The following DCC variants were observed in gnomAD, a reference collection of about 807,000 sequenced individuals.
The protein encoded by DCC is netrin receptor DCC.
DCC carries 58 observed loss-of-function variants against 172.5 expected under a neutral mutation model. The ratio of observed to expected loss-of-function variants is 0.34; its 90% CI spans 0.27 to 0.42. The LOEUF is 0.42. Among genes scored for constraint, DCC ranks in the 10% least tolerant of loss-of-function variants. The pLI is 1.00. For synonymous variants in DCC, 709 were observed against 644.5 expected (o/e 1.10, Z -1.52); for missense variants, 1,740 against 1,791.0 (o/e 0.97, Z 0.51).
chr18:53,443,830 C>T (rs941444077), intron 22 of DCC, among the ~76,000 whole-genome samples: 12 of 152,176 alleles, frequency 7.9e-5, no homozygotes, highest in African/African-American at 1.7e-4. Context: ...GAGAGGCTCA[C>T]GACTTCAGTG....
At chr18:52,602,538 C>T (rs1219405092) in intron 1 of DCC, among the ~76,000 whole-genome samples, 3 of 151,910 alleles carry the variant, frequency 2.0e-5, no homozygotes, top group African/African-American at 4.8e-5. Context: ...AAAAATAACT[C>T]ATAAGTTTAA....
At chr18:52,436,828 A>G (rs892403635) in intron 1 of DCC, among the ~76,000 whole-genome samples, 1 of 152,158 alleles carries the variant, frequency 6.6e-6, no homozygotes, top group Non-Finnish European at 1.5e-5. Context: ...GCTGAGGCAC[A>G]AGAATCACTT....
At chr18:53,213,565 G>A (rs2055791228) in intron 11 of DCC, among the ~76,000 whole-genome samples, 2 of 145,184 alleles carry the variant, frequency 1.4e-5, no homozygotes, top group African/African-American at 5.2e-5. Flanking sequence ...GGAGAATGGT[G>A]TGAACCCGGG....
chr18:53,498,975 A>G (rs1056770609), intron 26 of DCC, among the ~76,000 whole-genome samples: 4 of 152,200 alleles, frequency 2.6e-5, no homozygotes, highest in African/African-American at 4.8e-5. Flanking sequence ...GAAAGGAGAA[A>G]TAACTCTTTT....
At chr18:53,379,212 A>G (rs866933855) in intron 15 of DCC, among the ~76,000 whole-genome samples, 1 of 152,206 alleles carries the variant, frequency 6.6e-6, no homozygotes. Context: ...AGCAGCTACC[A>G]CTCTAATTTT....
chr18:52,739,607 T>A (rs1249358192), intron 1 of DCC, among the ~76,000 whole-genome samples: 1 of 152,164 alleles, frequency 6.6e-6, no homozygotes, highest in East Asian at 1.9e-4. Flanking sequence ...TGCACAGGCC[T>A]GTGTCTACCG....
chr18:53,271,709 T>G (rs944448543), intron 12 of DCC, among the ~76,000 whole-genome samples: 2 of 152,090 alleles, frequency 1.3e-5, no homozygotes, highest in Admixed American at 1.3e-4. Context: ...CACCACTTTT[T>G]CTGTATTTTG....
chr18:52,802,441 C>A (rs998042025), intron 2 of DCC, among the ~76,000 whole-genome samples: 3 of 149,710 alleles, frequency 2.0e-5, no homozygotes, highest in Middle Eastern at 3.4e-3. Flanking sequence ...CCAACCCCCA[C>A]ACAATCAAAA....
intron 15 of DCC, among the ~76,000 whole-genome samples, chr18:53,367,558 A>G (rs968867027): frequency 1.3e-5 from 2 of 152,186 alleles, no homozygotes; most frequent in African/African-American, 4.8e-5. Flanking sequence ...ATTTTAAAGT[A>G]TACAACTCAA....
At chr18:53,054,948 A>G (rs138243555) in intron 5 of DCC, among the ~76,000 whole-genome samples, 2,738 of 152,240 alleles carry the variant, frequency 0.018, 37 homozygotes, top group Middle Eastern at 0.031. Flanking sequence ...CTAATATTCT[A>G]TAGGTGCAAT....
intron 5 of DCC, among the ~76,000 whole-genome samples, chr18:52,960,954 G>A (rs2040832620): frequency 6.6e-6 from 1 of 152,128 alleles, no homozygotes; most frequent in African/African-American, 2.4e-5. Context: ...GCTCTTTAGA[G>A]AGCCGTACAA....
At chr18:53,193,521 A>C (rs1187872619) in intron 9 of DCC, among the ~76,000 whole-genome samples, 1 of 152,132 alleles carries the variant, frequency 6.6e-6, no homozygotes, top group Admixed American at 6.5e-5. Context: ...ACACAAAGAC[A>C]TTAAATAGCT....
At chr18:52,673,684 A>G (rs940444909) in intron 1 of DCC, among the ~76,000 whole-genome samples, 1 of 152,222 alleles carries the variant, frequency 6.6e-6, no homozygotes, top group Non-Finnish European at 1.5e-5. Context: ...ATGGACCTTG[A>G]TGGTGTAAAG....
At chr18:52,618,007 G>A (rs1598961274) in intron 1 of DCC, among the ~76,000 whole-genome samples, 1 of 152,076 alleles carries the variant, frequency 6.6e-6, no homozygotes, top group South Asian at 2.1e-4. Flanking sequence ...TCCATGCAGG[G>A]TATTGGACAA....
chr18:52,349,403 A>G (rs1984020170), intron 1 of DCC, among the ~76,000 whole-genome samples: 1 of 152,168 alleles, frequency 6.6e-6, no homozygotes, highest in African/African-American at 2.4e-5. Flanking sequence ...ATCTTTTTTC[A>G]GTCTCATGGG....
intron 1 of DCC, among the ~76,000 whole-genome samples, chr18:52,350,875 T>C (rs901740723): frequency 2.0e-5 from 3 of 152,156 alleles, no homozygotes; most frequent in Admixed American, 2.0e-4. Flanking sequence ...TAAAAACATC[T>C]CCAGACTTTC....
intron 12 of DCC, among the ~76,000 whole-genome samples, chr18:53,293,722 G>T (rs544082862): frequency 6.6e-6 from 1 of 152,124 alleles, no homozygotes; most frequent in Non-Finnish European, 1.5e-5. Flanking sequence ...CCAGTTTGGG[G>T]CTACAGTTGA....
chr18:52,871,077 G>A (rs1320387007), intron 2 of DCC, among the ~76,000 whole-genome samples: 2 of 152,160 alleles, frequency 1.3e-5, no homozygotes, highest in Non-Finnish European at 2.9e-5. Flanking sequence ...AAGCCCCATA[G>A]GGATGAGACT....
rs17748689 is a variant in DCC, at chr18:52,556,207, G to A, written c.92-195847G>A. ...AGAATATTCAATTCCTGTTGCTGAG[G>A]TGGTGCCCCAGAGGAGACTTGTTCG... On this transcript the variant is annotated intron_variant, in intron 1 of 28. Coordinates refer to ENST00000442544, the MANE Select transcript of DCC (RefSeq NM_005215.4). Among the ~76,000 whole-genome samples the A allele has an allele frequency of 2.9e-3, 443 of 152,230 alleles. 1 individual carries two copies. The highest frequency in any genetic ancestry group is 5.4e-3 in the Non-Finnish European group (364 of 68,014).
Sources: allele counts gnomAD v4.1 joint callset (sites outside exome capture counted in the v4.1 genomes callset), GRCh38; gene constraint gnomAD v4.1.1; transcripts MANE v1.5; gene names NCBI Gene and HGNC (gene_info 2026-07-23, HGNC 2026-07-21).